PAPPA2: variants seen among roughly 807,000 people sequenced by gnomAD.
PAPPA2 encodes the protein pappalysin 2, also known as pappalysin-2.
A neutral mutation model predicts 176.4 loss-of-function variants in PAPPA2; 86 were observed. That is an observed-to-expected ratio of 0.49 (90% CI 0.41 to 0.58). The LOEUF is 0.58. Ranked by LOEUF, PAPPA2 falls within the 20% of genes least tolerant of loss-of-function variation. PAPPA2 has a pLI of 0.00. For synonymous variants in PAPPA2, 809 were observed against 852.2 expected (o/e 0.95, Z 0.88); for missense variants, 2,073 against 2,256.9 (o/e 0.92, Z 1.65).
chr1:176,583,167 T>A (rs564441544), intron 2 of PAPPA2, among the ~76,000 whole-genome samples: 1 of 152,042 alleles, frequency 6.6e-6, no homozygotes, highest in South Asian at 2.1e-4. Flanking sequence ...ATTTTGTATA[T>A]CTTTTCAGAA....
chr1:176,750,699 A>C (rs1304906915), intron 14 of PAPPA2, among the ~76,000 whole-genome samples: 1 of 152,222 alleles, frequency 6.6e-6, no homozygotes, highest in Non-Finnish European at 1.5e-5. Flanking sequence ...CTGTATTCTT[A>C]CAAAAATAAT....
At chr1:176,571,218 T>C (rs1362143090) in intron 2 of PAPPA2, among the ~76,000 whole-genome samples, 1 of 152,174 alleles carries the variant, frequency 6.6e-6, no homozygotes, top group African/African-American at 2.4e-5. Context: ...CATTACCTGC[T>C]CCTTAAGTTT....
chr1:176,775,946 A>T (rs1011394478), intron 17 of PAPPA2, among the ~76,000 whole-genome samples: 1 of 152,174 alleles, frequency 6.6e-6, no homozygotes, highest in Non-Finnish European at 1.5e-5. Context: ...ATGTAAGCAG[A>T]ATTGTAACTC....
intron 3 of PAPPA2, among the ~76,000 whole-genome samples, chr1:176,643,317 A>G (rs533813171): frequency 6.6e-6 from 1 of 152,052 alleles, no homozygotes; most frequent in South Asian, 2.1e-4. Context: ...CTTAGTGTAG[A>G]AAAGAGATTA....
rs1403099329 is a variant in PAPPA2 at position 176,706,392 on chromosome 1, T to C, written c.3399T>C (p.Leu1133=). ...GAGAAGAGTGTGATGATGGAGACCTTGTGAGCGGAGATGGCTGCTCCAAGG... is the reference window on the plus strand; with the variant it reads ...GAGAAGAGTGTGATGATGGAGACCTCGTGAGCGGAGATGGCTGCTCCAAGG... The part of the protein sequence containing the change: ...RLGEECDDGD[L]VSGDGCSKVC... The change falls in exon 10 of 23, where the codon CTT becomes CTC. Residue 1133 remains leucine (L), a synonymous_variant. Transcript: ENST00000367662. 1.9e-6 allele frequency: 3 copies of C among 1,613,706 alleles called. No homozygotes were observed. Among genetic ancestry groups the C allele is most frequent in the Admixed American group, 1.7e-5 (1 of 59,976 alleles).
Position 176,692,252 on chromosome 1 carries a change from T to C in PAPPA2, c.2558T>C (p.Ile853Thr). 6.2e-7 allele frequency: 1 copy of C among 1,614,034 alleles called. No homozygotes were observed. The highest frequency in any genetic ancestry group is 8.5e-7 in the Non-Finnish European group (1 of 1,179,906). Residue 853 changes from isoleucine to threonine, a missense_variant, in exon 6 of 23, where the codon ATC (isoleucine) becomes ACC (threonine). By Grantham distance (89) the Ile-to-Thr change is moderately conservative (BLOSUM62 -1). Around this residue, in one of 4 missense-constraint regions of PAPPA2, gnomAD observed 1,196 missense variants for 1,330.4 expected, o/e 0.90. Transcript: ENST00000367662. ...CCCATCCCCATTCCACCTATGGTCA[T>C]CGGACAGACCAACAAGTCCCTCACT... Reference protein sequence around the residue: ...PTPIPIPPMVIGQTNKSLTIH... With the variant: ...PTPIPIPPMVTGQTNKSLTIH...
At chr1:176,548,656 C>T (rs1042815264) in intron 1 of PAPPA2, among the ~76,000 whole-genome samples, 2 of 152,060 alleles carry the variant, frequency 1.3e-5, no homozygotes, top group African/African-American at 2.4e-5. Context: ...TGAACTTAGT[C>T]GCTTGACTCT....
intron 7 of PAPPA2, 97 bp downstream of exon 7, chr1:176,695,956 A>C: frequency 6.2e-6 from 8 of 1,298,668 alleles, no homozygotes; most frequent in Non-Finnish European, 8.5e-6. Context: ...CAAAAAGGCA[A>C]TGTATGTGTA....
At chr1:176,726,285 C>G (rs1661869805) in intron 12 of PAPPA2, among the ~76,000 whole-genome samples, 1 of 152,202 alleles carries the variant, frequency 6.6e-6, no homozygotes, top group African/African-American at 2.4e-5. Context: ...ATCACTTCAT[C>G]CTTGATACAC....
At chr1:176,631,075 C>A (rs1247717425) in intron 3 of PAPPA2, among the ~76,000 whole-genome samples, 2 of 152,030 alleles carry the variant, frequency 1.3e-5, no homozygotes, top group Admixed American at 6.5e-5. Context: ...TTCGACGAAA[C>A]TGGAAAAAAG....
chr1:176,828,389 T>C (rs2102981355), intron 21 of PAPPA2, among the ~76,000 whole-genome samples: 1 of 152,150 alleles, frequency 6.6e-6, no homozygotes, highest in South Asian at 2.1e-4. Flanking sequence ...CAGTTTTACG[T>C]TTAGGTTTGT....
At chr1:176,670,496 C>A (rs1403750730) in intron 3 of PAPPA2, among the ~76,000 whole-genome samples, 1 of 152,114 alleles carries the variant, frequency 6.6e-6, no homozygotes, top group East Asian at 1.9e-4. Context: ...TCCTCTATTT[C>A]CTTTTTTCTT....
chr1:176,804,233 CT>C (rs1394565200), intron 21 of PAPPA2, among the ~76,000 whole-genome samples: 1 of 152,152 alleles, frequency 6.6e-6, no homozygotes, highest in African/African-American at 2.4e-5. Context: ...CTCCCTGTAT[CT>C]TCATGCATGT....
chr1:176,764,952 G>T (rs1663897375), intron 14 of PAPPA2, among the ~76,000 whole-genome samples: 1 of 152,176 alleles, frequency 6.6e-6, no homozygotes, highest in African/African-American at 2.4e-5. Context: ...ATTGGCCCTG[G>T]CAATCCAAGC....
chr1:176,569,428 TTC>T (rs1652186647), intron 2 of PAPPA2, among the ~76,000 whole-genome samples: 1 of 152,254 alleles, frequency 6.6e-6, no homozygotes, highest in South Asian at 2.1e-4. Flanking sequence ...TCAGGAACTC[TTC>T]CTTGGCCTCT....
At chr1:176,501,668 G>T (rs756524627) in intron 1 of PAPPA2, among the ~76,000 whole-genome samples, 10 of 152,186 alleles carry the variant, frequency 6.6e-5, no homozygotes, top group African/African-American at 1.2e-4. Flanking sequence ...AGAGCCCAGA[G>T]ACTCCATTTT....
chr1:176,723,651 A>G (rs947554056), intron 12 of PAPPA2, among the ~76,000 whole-genome samples: 2 of 152,150 alleles, frequency 1.3e-5, no homozygotes, highest in Non-Finnish European at 1.5e-5. Context: ...TCTTGAAAAT[A>G]TCTTCCCAAA....
intron 4 of PAPPA2, among the ~76,000 whole-genome samples, chr1:176,685,566 G>A (rs1659798853): frequency 6.6e-6 from 1 of 152,132 alleles, no homozygotes; most frequent in African/African-American, 2.4e-5. Context: ...ATATAAAATG[G>A]TAATGACAAG....
At chr1:176,804,323 A>C (rs1014951171) in intron 21 of PAPPA2, among the ~76,000 whole-genome samples, 1 of 152,150 alleles carries the variant, frequency 6.6e-6, no homozygotes, top group South Asian at 2.1e-4. Context: ...TTTTGCACCC[A>C]CCACTTCTCA....
Sources: gnomAD v4.1 joint callset for allele counts (sites outside exome capture counted in the v4.1 genomes callset) on GRCh38, gnomAD v4.1.1 for gene constraint, gnomAD v4.1.1 regional missense constraint, MANE v1.5 for transcripts, NCBI Gene and HGNC (gene_info 2026-07-23, HGNC 2026-07-21) for gene names.